TCF4: variants seen among roughly 807,000 people sequenced by gnomAD.
TCF4 encodes the protein SL3-3 enhancer factor 2.
In TCF4, 3 loss-of-function variants were observed where a neutral mutation model predicts 82.1. That is an observed-to-expected ratio of 0.04 (90% CI 0.02 to 0.09). The LOEUF (loss-of-function observed/expected upper bound fraction) is 0.09. Among genes scored for constraint, TCF4 ranks in the 10% least tolerant of loss-of-function variants. The pLI is 1.00. For synonymous variants in TCF4, 276 were observed against 309.6 expected, an observed-to-expected ratio of 0.89 and a Z score of 1.14; for missense variants, 518 against 852.7, an observed-to-expected ratio of 0.61 and a Z score of 4.89.
In TCF4 at chr18:55,258,330, C is replaced by T. The variant is rs1390000325; in HGVS notation, c.1070-939G>A. Among the ~76,000 whole-genome samples, 7 of 152,160 alleles carry T rather than the reference C, an allele frequency of 4.6e-5. No individual in the cohort carries two copies. The East Asian group carries it at 1.2e-3, about 25-fold the overall frequency. Reference sequence around the variant, plus strand: ...AAGTTCTTTCTTCCTAACATGTGGTCTTCCATGATGCATTACCAAGACCCA... The same window carrying T: ...AAGTTCTTTCTTCCTAACATGTGGTTTTCCATGATGCATTACCAAGACCCA... On this transcript the variant is annotated intron_variant, in intron 13 of 19. Transcript: ENST00000354452.
chr18:55,557,261 A>G (rs1210728807), intron 3 of TCF4, among the ~76,000 whole-genome samples: 1 of 151,876 alleles, frequency 6.6e-6, no homozygotes, highest in Non-Finnish European at 1.5e-5. Flanking sequence ...ACACAGACAC[A>G]CAGACACAGA....
chr18:55,223,195 A>C lies in TCF4; in HGVS notation c.*4840T>G, dbSNP rs1266521315. ...ACACACACATTAATTATATTCCTTC[A>C]ATTAGTTAATCCTCTAGACAGTTTT... is the stretch of plus-strand genomic sequence containing the variant. On this transcript the variant is annotated 3_prime_UTR_variant, in exon 20 of 20. Coordinates refer to ENST00000354452, the MANE Select transcript of TCF4 (RefSeq NM_001083962.2). 1 of 152,118 alleles carries C rather than the reference A, an allele frequency of 6.6e-6. No individual in the cohort carries two copies. Among genetic ancestry groups the C allele is most frequent in the Non-Finnish European group, 1.5e-5 (1 of 68,022 alleles). The allele number at this position is 152,118 out of a possible 1,614,324, so 9.4% of individuals were successfully genotyped here.
upstream of TCF4, among the ~76,000 whole-genome samples, chr18:55,592,441 T>C (rs535986544): frequency 4.9e-4 from 74 of 152,274 alleles, 1 homozygote; most frequent in African/African-American, 1.7e-3. Context: ...GCTTTGGTCT[T>C]TCTTCCTCTT....
At chr18:55,506,475 T>G (rs1353380897) in intron 3 of TCF4, among the ~76,000 whole-genome samples, 1 of 152,212 alleles carries the variant, frequency 6.6e-6, no homozygotes, top group Non-Finnish European at 1.5e-5. Context: ...AACTGCATTT[T>G]CTTTCTACAA....
Position 55,513,450 on chromosome 18 carries a change from T to C in TCF4, c.146-49313A>G, listed in dbSNP as rs566648244. ...AACACTTTAGGTGCCACAATGACTG[T>C]GTGAATGAGTCAGAATATGCATTAC... On this transcript the variant is annotated intron_variant, in intron 3 of 19. Transcript: ENST00000354452. 2.6e-5 allele frequency among the ~76,000 whole-genome samples: 4 copies of C among 152,006 alleles called. No homozygotes were observed. In the East Asian group the frequency reaches 7.7e-4, roughly 29 times the overall value.
Position 55,223,161 on chromosome 18 carries a change from T to G in TCF4, c.*4874A>C, listed in dbSNP as rs1161981919. 6.6e-6 allele frequency: 1 copy of G among 152,202 alleles called. No homozygotes were observed. Among genetic ancestry groups the G allele is most frequent in the Non-Finnish European group, 1.5e-5 (1 of 68,036 alleles). 9.4% of individuals were successfully genotyped at this position (152,202 alleles called of 1,614,324 possible). A position where few individuals can be genotyped will look rare whatever the true frequency, so the allele number is the denominator to read the frequency against. ...GTTCAGAGCTCTTCAAATGCATAGC[T>G]TCAGTGTTACACACACATTAATTAT... On this transcript the variant is annotated 3_prime_UTR_variant, in exon 20 of 20. Coordinates refer to ENST00000354452, the MANE Select transcript of TCF4 (RefSeq NM_001083962.2).
At chr18:55,585,512 A>G (rs190310109) in intron 2 of TCF4, 160 bp from the exon 3 acceptor site, 17 of 734,764 alleles carry the variant, frequency 2.3e-5, no homozygotes, top group African/African-American at 2.0e-4. Flanking sequence ...AAGAGAAACA[A>G]CATTACAGAT....
intron 3 of TCF4, among the ~76,000 whole-genome samples, chr18:55,578,517 T>G (rs1015723911): frequency 6.6e-6 from 1 of 152,108 alleles, no homozygotes; most frequent in African/African-American, 2.4e-5. Flanking sequence ...AAAACAATAT[T>G]GTGTCATTAC....
At chr18:55,403,373 A>G in intron 6 of TCF4, 81 bp downstream of exon 6, 1 of 1,511,920 alleles carries the variant, frequency 6.6e-7, no homozygotes, top group South Asian at 1.1e-5. Context: ...CACAGTTTAA[A>G]ATGCATCATC....
At chr18:55,261,027 G>C (rs2057953327) in intron 12 of TCF4, 1 of 159,624 alleles carries the variant, frequency 6.3e-6, no homozygotes, top group African/African-American at 2.4e-5. Context: ...AGTCCCCCAG[G>C]TGCCAATTAT....
At chr18:55,276,793 T>C (rs990783628) in intron 9 of TCF4, among the ~76,000 whole-genome samples, 1 of 152,222 alleles carries the variant, frequency 6.6e-6, no homozygotes, top group South Asian at 2.1e-4. Flanking sequence ...TAACATTTTA[T>C]ATAGTAAAGG....
At chr18:55,558,489 T>G in intron 3 of TCF4, among the ~76,000 whole-genome samples, 1 of 152,200 alleles carries the variant, frequency 6.6e-6, no homozygotes, top group South Asian at 2.1e-4. Context: ...TGGATCTCCC[T>G]AGTAAAATGT....
chr18:55,548,842 T>G (rs2097231259), intron 3 of TCF4, among the ~76,000 whole-genome samples: 1 of 152,200 alleles, frequency 6.6e-6, no homozygotes, highest in Non-Finnish European at 1.5e-5. Flanking sequence ...ATTGTACACC[T>G]ATATAGGGCA....
At chr18:55,554,604 T>C (rs773257781) in intron 3 of TCF4, among the ~76,000 whole-genome samples, 2 of 152,194 alleles carry the variant, frequency 1.3e-5, no homozygotes, top group Non-Finnish European at 2.9e-5. Flanking sequence ...TAAAAACATA[T>C]CTGTGGAAGT....
rs572136552 is a variant in TCF4, at chr18:55,445,539, A to C, written c.304+15480T>G. ...TCTCGTGAGATGTATTCACTATCAC[A>C]AGAACAGCATGGGAAAAACCCACCC... On this transcript the variant is annotated intron_variant, in intron 5 of 19. Coordinates refer to ENST00000354452, the MANE Select transcript of TCF4 (RefSeq NM_001083962.2). Among the ~76,000 whole-genome samples, 5 of 152,196 alleles carry C rather than the reference A, an allele frequency of 3.3e-5. No homozygotes were observed. The South Asian group carries it at 1.0e-3, about 32-fold the overall frequency.
chr18:55,260,286 G>A (rs773001276), intron 12 of TCF4, among the ~76,000 whole-genome samples: 2 of 152,110 alleles, frequency 1.3e-5, no homozygotes, highest in African/African-American at 2.4e-5. Flanking sequence ...CCAACTCTTC[G>A]TTCCTACTGG....
rs193161618 is a variant in TCF4 at position 55,352,478 on chromosome 18, T to C, written c.370-1475A>G. On this transcript the variant is annotated intron_variant, in intron 6 of 19. Transcript: ENST00000354452. Reference sequence around the variant, plus strand: ...TCCAGTTTAAGACTTTTTCAAGAGATATGTAATAAACATTACTTCAAAATA... The same window carrying C: ...TCCAGTTTAAGACTTTTTCAAGAGACATGTAATAAACATTACTTCAAAATA... Among the ~76,000 whole-genome samples, 118 of 152,252 alleles carry C rather than the reference T, an allele frequency of 7.8e-4. 1 individual carries two copies. Among genetic ancestry groups the C allele is most frequent in the African/African-American group, 2.5e-3 (103 of 41,568 alleles).
At chr18:55,626,529 G>T (rs908230815) in intron 2 of TCF4, among the ~76,000 whole-genome samples, 1 of 152,136 alleles carries the variant, frequency 6.6e-6, no homozygotes, top group African/African-American at 2.4e-5. Context: ...GACAATCTGA[G>T]ACTTGACATA....
chr18:55,635,110 A>G (rs1419053029), intron 1 of TCF4, among the ~76,000 whole-genome samples: 1 of 152,224 alleles, frequency 6.6e-6, no homozygotes, highest in Non-Finnish European at 1.5e-5. Flanking sequence ...TGGATTATGA[A>G]TACTGAGAAG....
Sources: allele counts gnomAD v4.1 joint callset (sites outside exome capture counted in the v4.1 genomes callset), GRCh38; gene constraint gnomAD v4.1.1; transcripts MANE v1.5; gene names NCBI Gene and HGNC (gene_info 2026-07-23, HGNC 2026-07-21).